GRM8: variants seen among roughly 807,000 people sequenced by gnomAD.
The protein encoded by GRM8 is metabotropic glutamate receptor 8.
GRM8 carries 47 observed loss-of-function variants against 87.2 expected under a neutral mutation model. The ratio of observed to expected loss-of-function variants is 0.54; its 90% confidence interval spans 0.43 to 0.69. GRM8 has a LOEUF of 0.69. GRM8 is among the 30% of genes least tolerant of loss of function. The pLI, the probability that GRM8 is intolerant of heterozygous loss-of-function variation, is 0.00. For missense variants in GRM8, 1,019 were observed against 1,139.2 expected, an observed-to-expected ratio of 0.89 and a Z score of 1.52; for synonymous variants, 396 against 404.5, an observed-to-expected ratio of 0.98 and a Z score of 0.25.
chr7:126,453,371 C>T (rs778994989), intron 9 of GRM8, among the ~76,000 whole-genome samples: 4 of 151,636 alleles, frequency 2.6e-5, no homozygotes, highest in Non-Finnish European at 4.4e-5. Context: ...CATCCCCTTT[C>T]GGCTCAGGAC....
chr7:127,045,581 A>C (rs1370775388), intron 3 of GRM8, among the ~76,000 whole-genome samples: 1 of 152,124 alleles, frequency 6.6e-6, no homozygotes, highest in African/African-American at 2.4e-5. Flanking sequence ...ATCCATCTTC[A>C]ATTTATTTTT....
At chr7:126,907,009 C>T (rs1342996072) in intron 3 of GRM8, among the ~76,000 whole-genome samples, 1 of 151,716 alleles carries the variant, frequency 6.6e-6, no homozygotes, top group Non-Finnish European at 1.5e-5. Flanking sequence ...TCACAGAATT[C>T]AGAAATATTG....
intron 3 of GRM8, among the ~76,000 whole-genome samples, chr7:126,998,316 G>A (rs1813376915): frequency 2.6e-5 from 4 of 151,756 alleles, no homozygotes; most frequent in Admixed American, 2.6e-4. Context: ...ATACAGAATG[G>A]GAAAAAACTG....
intron 2 of GRM8, among the ~76,000 whole-genome samples, chr7:127,127,302 T>C (rs951665299): frequency 5.9e-5 from 9 of 152,042 alleles, no homozygotes; most frequent in African/African-American, 2.2e-4. Flanking sequence ...CCAAGAGATA[T>C]AAAAACATAT....
chr7:126,484,015 A>G (rs1158812793), intron 9 of GRM8, among the ~76,000 whole-genome samples: 2 of 152,020 alleles, frequency 1.3e-5, no homozygotes, highest in African/African-American at 2.4e-5. Context: ...ACTTTTGGAA[A>G]AGTGCTTTGC....
At chr7:126,991,997 C>G (rs1464922883) in intron 3 of GRM8, among the ~76,000 whole-genome samples, 1 of 151,998 alleles carries the variant, frequency 6.6e-6, no homozygotes, top group Non-Finnish European at 1.5e-5. Flanking sequence ...AAAAAATATG[C>G]AGCAGCTAAA....
chr7:126,719,836 A>G (rs1812172221), intron 7 of GRM8, among the ~76,000 whole-genome samples: 1 of 142,548 alleles, frequency 7.0e-6, no homozygotes, highest in Non-Finnish European at 1.5e-5. Context: ...AGTTTAAAAG[A>G]TAGTCTTTAG....
rs140938501 is a variant in GRM8, at chr7:126,646,433, C to A, written c.1358-36935G>T. Among the ~76,000 whole-genome samples, 274 of 152,316 alleles carry A rather than the reference C, an allele frequency of 1.8e-3. 1 individual carries two copies. Among genetic ancestry groups the A allele is most frequent in the Middle Eastern group, 3.4e-3 (1 of 294 alleles). On this transcript the variant is annotated intron_variant, in intron 7 of 10. Transcript: ENST00000339582. ...TCAAAAAAGTTACCTAAAAGACTAT[C>A]TCCACTCACTAACCCATCTTCCTTC...
At chr7:126,884,288 A>T (rs1800283830) in intron 6 of GRM8, among the ~76,000 whole-genome samples, 1 of 152,202 alleles carries the variant, frequency 6.6e-6, no homozygotes, top group African/African-American at 2.4e-5. Flanking sequence ...TGTGAATTAA[A>T]AAAAGGAAAT....
intron 9 of GRM8, among the ~76,000 whole-genome samples, chr7:126,509,933 C>T (rs1417038265): frequency 6.6e-6 from 1 of 151,872 alleles, no homozygotes; most frequent in Non-Finnish European, 1.5e-5. Context: ...GACAATTATT[C>T]CCATTGTTGT....
intron 6 of GRM8, among the ~76,000 whole-genome samples, chr7:126,802,518 G>A (rs1822827368): frequency 6.6e-6 from 1 of 152,088 alleles, no homozygotes; most frequent in Non-Finnish European, 1.5e-5. Flanking sequence ...TATACACAAG[G>A]GAATGATATT....
In GRM8 at chr7:126,446,340, G is replaced by A. The variant is rs267601266; in HGVS notation, c.2463C>T (p.Ser821=). The A allele has an allele frequency of 1.9e-6, 3 of 1,609,806 alleles. No individual in the cohort carries two copies. The highest frequency in any genetic ancestry group is 3.3e-5 in the Admixed American group (2 of 59,726). The change falls in exon 10 of 11, where the codon TCC becomes TCT. Residue 821 remains serine, a synonymous_variant. Coordinates refer to ENST00000339582, the MANE Select transcript of GRM8 (RefSeq NM_000845.3). ...GAGATACTGAAGCACTTAAACTCAT[G>A]GAGACAGTAAGTGTTGTTGTCTGGA... The part of the protein sequence containing the change: ...MYIQTTTLTV[S]MSLSASVSLG...
At chr7:126,843,301 G>A (rs1208680312) in intron 6 of GRM8, among the ~76,000 whole-genome samples, 1 of 151,950 alleles carries the variant, frequency 6.6e-6, no homozygotes, top group Non-Finnish European at 1.5e-5. Flanking sequence ...AACTAAAGGG[G>A]ACTATAAAGT....
At chr7:127,101,717 T>A (rs1381578783) in intron 3 of GRM8, among the ~76,000 whole-genome samples, 1 of 152,132 alleles carries the variant, frequency 6.6e-6, no homozygotes, top group Non-Finnish European at 1.5e-5. Flanking sequence ...GTCTTGGGTA[T>A]TTCTTTATAG....
intron 2 of GRM8, among the ~76,000 whole-genome samples, chr7:127,185,994 T>G (rs982142231): frequency 2.0e-5 from 3 of 152,170 alleles, no homozygotes; most frequent in Non-Finnish European, 4.4e-5. Flanking sequence ...TAAACAAAAT[T>G]CTTTATGTAT....
intron 9 of GRM8, among the ~76,000 whole-genome samples, chr7:126,478,262 C>G (rs1279411264): frequency 1.3e-5 from 2 of 152,036 alleles, no homozygotes; most frequent in African/African-American, 4.8e-5. Flanking sequence ...TTTCTTTGTT[C>G]TGAATGCCAC....
chr7:127,086,213 G>C (rs1203284988), intron 3 of GRM8, among the ~76,000 whole-genome samples: 1 of 152,072 alleles, frequency 6.6e-6, no homozygotes, highest in Non-Finnish European at 1.5e-5. Flanking sequence ...CGATTCTTCT[G>C]CCTCAGCGTC....
At chr7:127,022,744 G>C (rs1181868030) in intron 3 of GRM8, among the ~76,000 whole-genome samples, 1 of 152,022 alleles carries the variant, frequency 6.6e-6, no homozygotes, top group East Asian at 1.9e-4. Flanking sequence ...TAATGCAAGA[G>C]TATTATACTT....
chr7:127,238,032 C>T (rs138440438), intron 2 of GRM8, among the ~76,000 whole-genome samples: 125 of 152,166 alleles, frequency 8.2e-4, no homozygotes, highest in African/African-American at 2.9e-3. Context: ...TTTCCAAAGA[C>T]CCTCTCCTTT....
Sources: gnomAD v4.1 joint callset for allele counts (sites outside exome capture counted in the v4.1 genomes callset) on GRCh38, gnomAD v4.1.1 for gene constraint, MANE v1.5 for transcripts, NCBI Gene and HGNC (gene_info 2026-07-23, HGNC 2026-07-21) for gene names.